PRKG1: variants seen among roughly 807,000 people sequenced by gnomAD.
PRKG1 encodes the protein protein kinase cGMP-dependent 1, also known as cGMP-dependent protein kinase 1.
A neutral mutation model predicts 88.1 loss-of-function variants in PRKG1; 35 were observed. The ratio of observed to expected loss-of-function variants is 0.40; its 90% CI spans 0.30 to 0.53. The LOEUF is 0.53. PRKG1 is among the 20% of genes least tolerant of loss of function. The probability of loss-of-function intolerance (pLI) is 0.59; values close to 1 mark genes in which losing one functional copy is unlikely to be tolerated. For missense variants in PRKG1, 540 were observed against 839.8 expected (o/e 0.64, Z 4.41); for synonymous variants, 303 against 292.5 (o/e 1.04, Z -0.37).
rs1343697178 is a variant in PRKG1 at position 51,630,840 on chromosome 10, AG to A, written c.592+163007del. Among the ~76,000 whole-genome samples, 7 of 152,340 alleles carry A rather than the reference AG, an allele frequency of 4.6e-5. No individual in the cohort carries two copies. In the South Asian group the frequency reaches 1.2e-3, roughly 27 times the overall value. ...AGGATCATCTGTTTACCAACAGTAAAGGGCTTCGGAGCTTCAGCGCTGTGGT... is the reference window on the plus strand; with the variant it reads ...AGGATCATCTGTTTACCAACAGTAAAGGCTTCGGAGCTTCAGCGCTGTGGT... On this transcript the variant is annotated intron_variant, in intron 3 of 17. Transcript: ENST00000373980.
intron 3 of PRKG1, among the ~76,000 whole-genome samples, chr10:51,542,875 T>C (rs1842343409): frequency 6.6e-6 from 1 of 152,178 alleles, no homozygotes; most frequent in South Asian, 2.1e-4. Context: ...AAAGATTAGA[T>C]TACACAATTG....
At chr10:51,649,597 C>T (rs1191202049) in intron 3 of PRKG1, among the ~76,000 whole-genome samples, 1 of 152,106 alleles carries the variant, frequency 6.6e-6, no homozygotes, top group Non-Finnish European at 1.5e-5. Flanking sequence ...CTGCAAGTTG[C>T]CCAGGTTCTT....
rs190852356 is a variant in PRKG1 at position 51,007,611 on chromosome 10, T to G, written c.266+15967T>G. Among the ~76,000 whole-genome samples the G allele has an allele frequency of 5.3e-5, 8 of 152,354 alleles. No individual in the cohort carries two copies. In the East Asian group the frequency reaches 1.5e-3, roughly 29 times the overall value. ...CTTGAGTTTCAAGTTTCTGATATCT[T>G]AGTCATGTTGCTTAACATCTTTGAC... On this transcript the variant is annotated intron_variant, in intron 1 of 17. Transcript: ENST00000401604.
intron 1 of PRKG1, among the ~76,000 whole-genome samples, chr10:50,994,639 T>C (rs1224618012): frequency 6.6e-6 from 1 of 152,108 alleles, no homozygotes; most frequent in African/African-American, 2.4e-5. Context: ...AGTTATGATT[T>C]CTGTAGCATT....
At chr10:51,849,821 C>G (rs1003989173) in intron 4 of PRKG1, among the ~76,000 whole-genome samples, 5 of 152,064 alleles carry the variant, frequency 3.3e-5, no homozygotes, top group African/African-American at 1.2e-4. Flanking sequence ...CACATTCAAA[C>G]AGGGGCAGAC....
intron 2 of PRKG1, among the ~76,000 whole-genome samples, chr10:51,229,942 A>AAG (rs56320783): frequency 9.1e-5 from 4 of 44,130 alleles, no homozygotes; most frequent in African/African-American, 2.4e-4. Flanking sequence ...AAAAAAAAAA[A>AAG]AAAAAAGAAA....
intron 3 of PRKG1, among the ~76,000 whole-genome samples, chr10:51,610,303 C>G (rs759477060): frequency 1.1e-4 from 17 of 152,132 alleles, no homozygotes; most frequent in Non-Finnish European, 8.8e-5. Flanking sequence ...TACACCCTTT[C>G]CAGTCTCTGG....
At chr10:51,458,348 C>T (rs1009111492) in intron 2 of PRKG1, among the ~76,000 whole-genome samples, 1 of 151,926 alleles carries the variant, frequency 6.6e-6, no homozygotes, top group African/African-American at 2.4e-5. Context: ...AGTCCTAAGG[C>T]TTTCACACAA....
chr10:51,628,831 C>A (rs1394722407), intron 3 of PRKG1, among the ~76,000 whole-genome samples: 1 of 151,636 alleles, frequency 6.6e-6, no homozygotes, highest in Non-Finnish European at 1.5e-5. Context: ...CGGTGGCGGG[C>A]GCCTGTGGTC....
At chr10:51,367,428 C>T (rs192074166) in intron 2 of PRKG1, among the ~76,000 whole-genome samples, 7 of 151,954 alleles carry the variant, frequency 4.6e-5, no homozygotes, top group Admixed American at 1.3e-4. Flanking sequence ...ACCAAATGTG[C>T]GTATGTACAA....
chr10:51,975,921 A>G (rs1843819975), intron 5 of PRKG1, among the ~76,000 whole-genome samples: 1 of 152,046 alleles, frequency 6.6e-6, no homozygotes, highest in Non-Finnish European at 1.5e-5. Flanking sequence ...TCAATAATAA[A>G]AAGATAAATA....
intron 2 of PRKG1, among the ~76,000 whole-genome samples, chr10:51,414,850 T>A (rs916757956): frequency 3.3e-5 from 5 of 152,362 alleles, no homozygotes; most frequent in African/African-American, 9.6e-5. Context: ...TAACTAAAAA[T>A]TTTAATTGCT....
At chr10:51,535,937 G>T (rs1465533387) in intron 3 of PRKG1, among the ~76,000 whole-genome samples, 1 of 151,952 alleles carries the variant, frequency 6.6e-6, no homozygotes, top group East Asian at 1.9e-4. Flanking sequence ...TGGTCAGGCT[G>T]GTCCTGACCT....
rs1172124416 is a variant in PRKG1 at position 51,230,410 on chromosome 10, C to T, written c.478+77080C>T. Among the ~76,000 whole-genome samples, 7 of 152,126 alleles carry T rather than the reference C, an allele frequency of 4.6e-5. No individual in the cohort carries two copies. In the South Asian group the frequency reaches 1.5e-3, roughly 32 times the overall value. ...ATTTACTTTTCACATTATACTTTTA[C>T]TTACTGTTGGTATTTTTACCAAAAA... On this transcript the variant is annotated intron_variant, in intron 2 of 17. Coordinates refer to ENST00000373980, the MANE Select transcript of PRKG1 (RefSeq NM_006258.4).
intron 2 of PRKG1, among the ~76,000 whole-genome samples, chr10:51,223,348 G>T (rs1291258054): frequency 1.3e-5 from 2 of 152,090 alleles, no homozygotes; most frequent in East Asian, 1.9e-4. Flanking sequence ...CCAAGAAAAA[G>T]ATATAAACCC....
intron 6 of PRKG1, 104 bp downstream of exon 6, chr10:52,054,665 C>A: frequency 1.1e-6 from 1 of 948,686 alleles, no homozygotes; most frequent in Non-Finnish European, 1.6e-6. Flanking sequence ...TGAGTTTGTT[C>A]CATTTTTTGA....
chr10:52,013,347 A>T (rs1844947845), intron 5 of PRKG1, among the ~76,000 whole-genome samples: 1 of 151,044 alleles, frequency 6.6e-6, no homozygotes, highest in South Asian at 2.1e-4. Context: ...TGAACCTGGG[A>T]GGCGGAGCTT....
At chr10:51,996,831 C>A (rs574267186) in intron 5 of PRKG1, among the ~76,000 whole-genome samples, 2 of 152,284 alleles carry the variant, frequency 1.3e-5, no homozygotes, top group South Asian at 4.1e-4. Context: ...GATATCTGCA[C>A]TCCCATGTAC....
chr10:51,986,763 C>T lies in PRKG1; in HGVS notation c.763-67721C>T, dbSNP rs142212579. Among the ~76,000 whole-genome samples, 742 of 152,210 alleles carry T rather than the reference C, an allele frequency of 4.9e-3. 4 individuals carry two copies. Among genetic ancestry groups the T allele is most frequent in the Non-Finnish European group, 7.9e-3 (538 of 68,006 alleles). ...TCTCACATGCATGCAGCTTAGAGCT[C>T]GTATGAGATACTGGGACTTGCCTGT... On this transcript the variant is annotated intron_variant, in intron 5 of 17. Coordinates refer to ENST00000373980, the MANE Select transcript of PRKG1 (RefSeq NM_006258.4).
Sources: allele counts gnomAD v4.1 joint callset (sites outside exome capture counted in the v4.1 genomes callset), GRCh38; gene constraint gnomAD v4.1.1; transcripts MANE v1.5; gene names NCBI Gene and HGNC (gene_info 2026-07-23, HGNC 2026-07-21).